UBE2R2: variants seen among roughly 807,000 people sequenced by gnomAD.
UBE2R2 encodes ubiquitin conjugating enzyme E2 R2, also known as ubiquitin-conjugating enzyme E2 R2.
UBE2R2 carries 1 observed loss-of-function variant against 27.8 expected under a neutral mutation model. The observed-to-expected ratio is 0.04, with a 90% CI of 0.01 to 0.17. The LOEUF (loss-of-function observed/expected upper bound fraction) is 0.17. Ranked by LOEUF, UBE2R2 falls within the 10% of genes least tolerant of loss-of-function variation. UBE2R2 has a pLI of 1.00. For synonymous variants in UBE2R2, 106 were observed against 113.3 expected, an observed-to-expected ratio of 0.94 and a Z score of 0.41; for missense variants, 100 against 291.0, an observed-to-expected ratio of 0.34 and a Z score of 4.78.
chr9:33,907,938 C>A (rs1822397083), intron 3 of UBE2R2, among the ~76,000 whole-genome samples: 1 of 152,030 alleles, frequency 6.6e-6, no homozygotes, highest in East Asian at 1.9e-4. Context: ...AAACGATTCT[C>A]CTGCCTCAGC....
Position 33,917,387 on chromosome 9 carries a change from C to T in UBE2R2, c.*150C>T. Reference sequence around the variant, plus strand: ...TCCTGCTGACTCCCCTTATGGATCTCAGTTTGCTCCTTTTTATGGACCTTT... The same window carrying T: ...TCCTGCTGACTCCCCTTATGGATCTTAGTTTGCTCCTTTTTATGGACCTTT... On this transcript the variant is annotated 3_prime_UTR_variant, in exon 5 of 5. Transcript: ENST00000263228. 1 of 1,199,150 alleles carries T rather than the reference C, an allele frequency of 8.3e-7. No homozygotes were observed. Among genetic ancestry groups the T allele is most frequent in the Non-Finnish European group, 1.2e-6 (1 of 869,314 alleles). 74.3% of individuals were successfully genotyped at this position (1,199,150 alleles called of 1,614,324 possible). A position where few individuals can be genotyped will look rare whatever the true frequency, so the allele number is the denominator to read the frequency against.
At chr9:33,857,870 CT>C (rs1004511450) in intron 1 of UBE2R2, among the ~76,000 whole-genome samples, 24 of 152,038 alleles carry the variant, frequency 1.6e-4, no homozygotes, top group African/African-American at 4.3e-4. Flanking sequence ...TTTTTTCCCC[CT>C]ATTTCTTTTT....
chr9:33,830,184 G>A (rs1268344028), intron 1 of UBE2R2, among the ~76,000 whole-genome samples: 1 of 140,942 alleles, frequency 7.1e-6, no homozygotes, highest in East Asian at 2.1e-4. Flanking sequence ...TTGAGACAGA[G>A]TCTTGCCCTG....
intron 1 of UBE2R2, among the ~76,000 whole-genome samples, chr9:33,839,609 A>G (rs1044603705): frequency 6.6e-6 from 1 of 152,212 alleles, no homozygotes; most frequent in Non-Finnish European, 1.5e-5. Flanking sequence ...GAATGCAGCA[A>G]GAAGGCATCG....
chr9:33,852,358 T>TA (rs1317937661), intron 1 of UBE2R2, among the ~76,000 whole-genome samples: 1 of 152,166 alleles, frequency 6.6e-6, no homozygotes, highest in Non-Finnish European at 1.5e-5. Flanking sequence ...GGCCCGGAGT[T>TA]ACAGGAATCC....
chr9:33,899,207 TG>T (rs1477021059), intron 2 of UBE2R2, among the ~76,000 whole-genome samples: 4 of 152,280 alleles, frequency 2.6e-5, no homozygotes, highest in African/African-American at 9.6e-5. Context: ...TGATTTATTA[TG>T]TTTGTCTTTT....
intron 1 of UBE2R2, among the ~76,000 whole-genome samples, chr9:33,849,927 A>G (rs1436541624): frequency 2.0e-5 from 3 of 152,112 alleles, no homozygotes; most frequent in Admixed American, 6.6e-5. Flanking sequence ...ATAGGAAACT[A>G]AGGTTCACAG....
intron 1 of UBE2R2, among the ~76,000 whole-genome samples, chr9:33,838,623 T>C (rs780998957): frequency 4.8e-4 from 73 of 152,218 alleles, no homozygotes; most frequent in Non-Finnish European, 9.1e-4. Flanking sequence ...AGGTGGATTA[T>C]GGATTCTTAA....
chr9:33,819,811 G>T (rs1321110559), intron 1 of UBE2R2, among the ~76,000 whole-genome samples: 2 of 152,162 alleles, frequency 1.3e-5, no homozygotes, highest in East Asian at 3.9e-4. Context: ...GCTAATTTTT[G>T]TATTTTTAGT....
chr9:33,820,317 A>T (rs1254110579), intron 1 of UBE2R2, among the ~76,000 whole-genome samples: 1 of 152,160 alleles, frequency 6.6e-6, no homozygotes, highest in African/African-American at 2.4e-5. Context: ...GTGCTTTGTG[A>T]TGTTAGATTT....
chr9:33,844,899 T>G (rs920349773), intron 1 of UBE2R2, among the ~76,000 whole-genome samples: 2 of 151,854 alleles, frequency 1.3e-5, no homozygotes, highest in African/African-American at 4.8e-5. Flanking sequence ...CCGGAGTAGC[T>G]GGGATTACAG....
At chr9:33,863,382 C>T (rs964569941) in intron 1 of UBE2R2, among the ~76,000 whole-genome samples, 1 of 151,124 alleles carries the variant, frequency 6.6e-6, no homozygotes, top group Non-Finnish European at 1.5e-5. Flanking sequence ...CGTGGTGGTG[C>T]GTGCCTGTAA....
intron 2 of UBE2R2, among the ~76,000 whole-genome samples, chr9:33,891,055 GTT>G (rs776729663): frequency 1.6e-5 from 2 of 126,094 alleles, no homozygotes; most frequent in African/African-American, 2.7e-5. Flanking sequence ...GTGTTTTTTT[GTT>G]TTTTTTTTTT....
At chr9:33,907,948 C>T (rs1263429617) in intron 3 of UBE2R2, among the ~76,000 whole-genome samples, 1 of 152,026 alleles carries the variant, frequency 6.6e-6, no homozygotes, top group Non-Finnish European at 1.5e-5. Context: ...CCTGCCTCAG[C>T]CTTCCGAGTA....
intron 2 of UBE2R2, among the ~76,000 whole-genome samples, chr9:33,891,061 T>TTTTTTTTTTGTTTTTG (rs1290902149): frequency 3.4e-5 from 5 of 148,848 alleles, no homozygotes; most frequent in Non-Finnish European, 6.0e-5. Flanking sequence ...TTTTGTTTTT[T>TTTTTTTTTTGTTTTTG]TTTTTTGAGA....
intron 3 of UBE2R2, among the ~76,000 whole-genome samples, chr9:33,903,829 A>G (rs559447226): frequency 1.3e-5 from 2 of 152,126 alleles, no homozygotes; most frequent in Non-Finnish European, 2.9e-5. Flanking sequence ...CCCTGCTTTT[A>G]TGCTGCTTTG....
chr9:33,901,952 C>T (rs1211810875), intron 3 of UBE2R2, among the ~76,000 whole-genome samples: 5 of 144,134 alleles, frequency 3.5e-5, no homozygotes, highest in African/African-American at 1.3e-4. Context: ...CTTGCTCTGT[C>T]GCCCAGGCTG....
chr9:33,905,880 G>C (rs974584913), intron 3 of UBE2R2, among the ~76,000 whole-genome samples: 5 of 152,202 alleles, frequency 3.3e-5, no homozygotes, highest in African/African-American at 1.2e-4. Context: ...GTAGAACCCA[G>C]AGTCAGTAAG....
At chr9:33,862,812 T>C (rs967552420) in intron 1 of UBE2R2, among the ~76,000 whole-genome samples, 3 of 152,196 alleles carry the variant, frequency 2.0e-5, no homozygotes, top group Non-Finnish European at 4.4e-5. Context: ...CTTTAACATA[T>C]AAACAGTATG....
Sources: gnomAD v4.1 joint callset for allele counts (sites outside exome capture counted in the v4.1 genomes callset) on GRCh38, gnomAD v4.1.1 for gene constraint, MANE v1.5 for transcripts, NCBI Gene and HGNC (gene_info 2026-07-23, HGNC 2026-07-21) for gene names.